The following LAMB1 variants were observed in gnomAD, a reference collection of about 807,000 sequenced individuals.
LAMB1 encodes laminin subunit beta-1.
A neutral mutation model predicts 222.3 loss-of-function variants in LAMB1; 121 were observed. That is an observed-to-expected ratio of 0.54 (90% CI 0.47 to 0.63). LAMB1 has a LOEUF of 0.63. LAMB1 is among the 30% of genes least tolerant of loss of function. LAMB1 has a pLI of 0.00. For synonymous variants in LAMB1, 794 were observed against 807.2 expected (o/e 0.98, Z 0.28); for missense variants, 2,172 against 2,240.8 (o/e 0.97, Z 0.62).
In LAMB1 at chr7:107,932,393, G is replaced by A; in HGVS notation, c.4189-16C>T. ...TTCCACAGGTCTGCAACAAGCCAAG[G>A]ATCAGGCACAATACTTCGGATAGTG... On this transcript the variant is annotated splice_polypyrimidine_tract_variant and intron_variant, in intron 27 of 33. Transcript: ENST00000222399. The A allele has an allele frequency of 1.2e-6, 2 of 1,613,400 alleles. No individual in the cohort carries two copies. The highest frequency in any genetic ancestry group is 1.7e-6 in the Non-Finnish European group (2 of 1,179,314).
chr7:107,983,286 G>A (rs1051640479), intron 7 of LAMB1, among the ~76,000 whole-genome samples: 12 of 152,090 alleles, frequency 7.9e-5, no homozygotes, highest in African/African-American at 2.9e-4. Flanking sequence ...TTGGGGCCTT[G>A]GTTAAAAATA....
In LAMB1 at chr7:108,002,979, G is replaced by C; in HGVS notation, c.-86-8C>G. The C allele has an allele frequency of 4.4e-6, 7 of 1,584,938 alleles. No individual in the cohort carries two copies. The highest frequency in any genetic ancestry group is 1.7e-4 in the Middle Eastern group (1 of 5,772). Reference sequence around the variant, plus strand: ...TTCTTCCCGTCTTCCTTTCTGGAGAGGTGGAAAGGAGGGGAAAAAAGGCAA... The same window carrying C: ...TTCTTCCCGTCTTCCTTTCTGGAGACGTGGAAAGGAGGGGAAAAAAGGCAA... On this transcript the variant is annotated splice_region_variant and splice_polypyrimidine_tract_variant and intron_variant, in intron 1 of 33. Transcript: ENST00000222399.
intron 26 of LAMB1, 75 bp from the exon 27 acceptor site, chr7:107,935,731 G>A: frequency 6.8e-7 from 1 of 1,469,828 alleles, no homozygotes; most frequent in Non-Finnish European, 9.2e-7. Flanking sequence ...GTCTATATTT[G>A]GTGTCTTCGG....
chr7:107,945,212 A>T (rs1257579839), intron 24 of LAMB1, among the ~76,000 whole-genome samples: 1 of 152,238 alleles, frequency 6.6e-6, no homozygotes. Flanking sequence ...CATTTCAAAC[A>T]TAATTGTTAA....
intron 14 of LAMB1, among the ~76,000 whole-genome samples, chr7:107,964,223 A>G (rs951797492): frequency 6.6e-6 from 1 of 152,252 alleles, no homozygotes; most frequent in Non-Finnish European, 1.5e-5. Flanking sequence ...GGGGATGAAT[A>G]GATGAAAAAA....
chr7:107,981,053 T>G (rs1021901983), intron 7 of LAMB1, among the ~76,000 whole-genome samples: 1 of 152,164 alleles, frequency 6.6e-6, no homozygotes, highest in African/African-American at 2.4e-5. Flanking sequence ...AGCTCACACC[T>G]GTAATTCCAG....
intron 5 of LAMB1, among the ~76,000 whole-genome samples, chr7:107,988,751 G>A (rs936520912): frequency 2.0e-5 from 3 of 152,156 alleles, no homozygotes; most frequent in African/African-American, 7.2e-5. Context: ...AACAGATGAG[G>A]ACACACACAT....
Position 107,940,053 on chromosome 7 carries a change from T to C in LAMB1, c.3697A>G (p.Ile1233Val). The change falls in exon 25 of 34, where the codon ATC becomes GTC. Residue 1233 changes from isoleucine (I) to valine (V), a missense_variant. Physicochemically the swap from Ile to Val is conservative, Grantham distance 29. Coordinates refer to ENST00000222399, the MANE Select transcript of LAMB1 (RefSeq NM_002291.3). Reference sequence around the variant, plus strand: ...TCTGCTGCGGGGCTCTGCGCCAGGATGTCTTTTATCTCGCTGACTTTCCTC... The same window carrying C: ...TCTGCTGCGGGGCTCTGCGCCAGGACGTCTTTTATCTCGCTGACTTTCCTC... Reference protein sequence around the residue: ...VERKVSEIKDILAQSPAAEPL... With the variant: ...VERKVSEIKDVLAQSPAAEPL... 1 of 1,614,158 alleles carries C rather than the reference T, an allele frequency of 6.2e-7. No homozygotes were observed. Among genetic ancestry groups the C allele is most frequent in the Non-Finnish European group, 8.5e-7 (1 of 1,180,014 alleles).
At chr7:107,947,634 T>C (rs1160076820) in intron 24 of LAMB1, among the ~76,000 whole-genome samples, 1 of 152,206 alleles carries the variant, frequency 6.6e-6, no homozygotes, top group Admixed American at 6.5e-5. Flanking sequence ...CCAGACCCCA[T>C]AGCTGGCCAT....
At chr7:107,959,594 C>T in intron 19 of LAMB1, 97 bp downstream of exon 19, 1 of 1,611,846 alleles carries the variant, frequency 6.2e-7, no homozygotes, top group Non-Finnish European at 8.5e-7. Flanking sequence ...GTGTGATCAA[C>T]TTCAGGAGGG....
intron 20 of LAMB1, among the ~76,000 whole-genome samples, 191 bp downstream of exon 20, chr7:107,959,058 G>A (rs926387993): frequency 2.0e-5 from 3 of 152,150 alleles, no homozygotes; most frequent in Non-Finnish European, 2.9e-5. Flanking sequence ...GCACCAGAAC[G>A]GTGCCTGGCA....
At chr7:107,943,384 C>T (rs959289521) in intron 24 of LAMB1, among the ~76,000 whole-genome samples, 1 of 152,180 alleles carries the variant, frequency 6.6e-6, no homozygotes, top group Non-Finnish European at 1.5e-5. Context: ...AAAACCACTA[C>T]ATTAATCGAT....
At position 107,952,040 on chromosome 7, in the gene LAMB1, G is replaced by A; in HGVS notation, c.3263C>T (p.Ala1088Val). ...GCAAGATGGCCCGAAGGAATGAGCA[G>A]CATTGCAGTTGCATGGGTCACAGCC... ...GTGCDPCNCN[A>V]AHSFGPSCNE... The change falls in exon 23 of 34, where the codon GCT becomes GTT. Residue 1088 changes from alanine (A) to valine (V), a missense_variant. By Grantham distance (64) the Ala-to-Val change is moderately conservative. Transcript: ENST00000222399. The A allele has an allele frequency of 1.2e-6, 2 of 1,613,634 alleles. No homozygotes were observed. Among genetic ancestry groups the A allele is most frequent in the East Asian group, 4.5e-5 (2 of 44,876 alleles).
intron 24 of LAMB1, among the ~76,000 whole-genome samples, chr7:107,950,917 A>C (rs2033228916): frequency 8.2e-6 from 1 of 121,372 alleles, no homozygotes; most frequent in African/African-American, 3.1e-5. Flanking sequence ...CTCTGTGTGT[A>C]TTTGTGGTGT....
At chr7:107,980,481 A>C in intron 8 of LAMB1, 128 bp downstream of exon 8, 1 of 708,110 alleles carries the variant, frequency 1.4e-6, no homozygotes, top group South Asian at 1.8e-5. Context: ...TATGGTGCAA[A>C]GGGCTAAATG....
chr7:107,951,304 A>G lies in LAMB1; in HGVS notation c.3313T>C (p.Cys1105Arg). The G allele has an allele frequency of 1.2e-6, 2 of 1,614,134 alleles. No homozygotes were observed. The highest frequency in any genetic ancestry group is 1.7e-6 in the Non-Finnish European group (2 of 1,180,012). ...GTGCGGCCTCCAAACCCAGGCATGC[A>G]CTGGCACTGCCCCGTGAACTGCGGC... ...SCNEFTGQCQ[C>R]MPGFGGRTCS... The change falls in exon 24 of 34, where the codon TGC becomes CGC. Residue 1105 changes from cysteine to arginine, a missense_variant. Cys to Arg is a radical substitution (Grantham distance 180). Coordinates refer to ENST00000222399, the MANE Select transcript of LAMB1 (RefSeq NM_002291.3).
intron 13 of LAMB1, among the ~76,000 whole-genome samples, chr7:107,972,030 G>T (rs528255462): frequency 6.6e-6 from 1 of 152,182 alleles, no homozygotes; most frequent in African/African-American, 2.4e-5. Context: ...ACAGCATTCT[G>T]TCTTTCTTCC....
At chr7:107,932,542 T>C (rs2116328394) in intron 27 of LAMB1, 165 bp from the exon 28 acceptor site, 1 of 645,268 alleles carries the variant, frequency 1.5e-6, no homozygotes, top group South Asian at 1.8e-5. Context: ...GCAGAGAGTT[T>C]AGGAGTAAAC....
intron 5 of LAMB1, among the ~76,000 whole-genome samples, chr7:107,989,120 A>T (rs1486182040): frequency 6.6e-6 from 1 of 152,204 alleles, no homozygotes; most frequent in Non-Finnish European, 1.5e-5. Flanking sequence ...GGAAAAGAGA[A>T]AAAAAGGCAG....
Sources: gnomAD v4.1 joint callset for allele counts (sites outside exome capture counted in the v4.1 genomes callset) on GRCh38, gnomAD v4.1.1 for gene constraint, MANE v1.5 for transcripts, NCBI Gene and HGNC (gene_info 2026-07-23, HGNC 2026-07-21) for gene names.